VILL: variants seen among roughly 807,000 people sequenced by gnomAD.
VILL encodes the protein villin-like protein.
In VILL, 102 loss-of-function variants were observed where a neutral mutation model predicts 106.3. The ratio of observed to expected loss-of-function variants is 0.96; its 90% CI spans 0.82 to 1.13. VILL has a LOEUF of 1.13. VILL is among the 50% of genes most tolerant of loss of function. VILL has a pLI of 0.00. For synonymous variants in VILL, 431 were observed against 440.3 expected, an observed-to-expected ratio of 0.98 and a Z score of 0.27; for missense variants, 1,076 against 1,116.6, an observed-to-expected ratio of 0.96 and a Z score of 0.52.
Position 38,006,478 on chromosome 3 carries a change from G to T in VILL, c.2235G>T (p.Trp745Cys), listed in dbSNP as rs749913474. 5 of 1,606,618 alleles carry T rather than the reference G, an allele frequency of 3.1e-6. No homozygotes were observed. The highest frequency in any genetic ancestry group is 1.1e-5 in the South Asian group (1 of 90,772). Reference protein sequence around the residue: ...AEVNNLRLSRWPGNGRAGAVA... With the variant: ...AEVNNLRLSRCPGNGRAGAVA... Reference sequence around the variant, plus strand: ...TCAACAACTTGCGGCTATCCAGATGGCCGGGCAATGGCAGGGCAGGTGCCG... The same window carrying T: ...TCAACAACTTGCGGCTATCCAGATGTCCGGGCAATGGCAGGGCAGGTGCCG... The change falls in exon 19 of 20, where the codon TGG (tryptophan) becomes TGT (cysteine). Residue 745 changes from tryptophan (W) to cysteine (C), a missense_variant. By Grantham distance (215) the Trp-to-Cys change is radical. Coordinates refer to ENST00000383759, the MANE Select transcript of VILL (RefSeq NM_015873.4).
chr3:38,000,907 T>C (rs1339639256), intron 11 of VILL: 2 of 456,668 alleles, frequency 4.4e-6, no homozygotes, highest in East Asian at 6.9e-5. Context: ...TAGAACAATG[T>C]CACTGCCAAC....
intron 16 of VILL, among the ~76,000 whole-genome samples, chr3:38,005,571 AT>A (rs1699900277): frequency 6.6e-6 from 1 of 152,114 alleles, no homozygotes; most frequent in African/African-American, 2.4e-5. Flanking sequence ...GAAAAAAAAA[AT>A]GTGTGGATTG....
chr3:37,995,175 C>T (rs114523068), intron 4 of VILL, among the ~76,000 whole-genome samples: 1,625 of 152,336 alleles, frequency 0.011, 35 homozygotes, highest in African/African-American at 0.036. Context: ...ATATATCTTT[C>T]GCTGTAAATT....
intron 4 of VILL, among the ~76,000 whole-genome samples, chr3:37,995,244 AT>A (rs1406590158): frequency 6.6e-6 from 1 of 152,258 alleles, no homozygotes; most frequent in African/African-American, 2.4e-5. Flanking sequence ...GGAAATTGCT[AT>A]TTGATCATTT....
chr3:37,995,860 G>T lies in VILL; in HGVS notation c.450+13G>T. On this transcript the variant is annotated intron_variant, in intron 5 of 19. Transcript: ENST00000383759. ...GTCTGCCACTGAGGTGAGGCTGCCA[G>T]GGGAGCCTCTTGACCTCTGAACTCG... The T allele has an allele frequency of 6.2e-7, 1 of 1,608,458 alleles. No individual in the cohort carries two copies. The highest frequency in any genetic ancestry group is 1.1e-5 in the South Asian group (1 of 90,896).
In VILL at chr3:37,998,460, CCT is replaced by C; in HGVS notation, c.942+98_942+99del. 8.8e-7 allele frequency: 1 copy of C among 1,130,282 alleles called. No individual in the cohort carries two copies. The highest frequency in any genetic ancestry group is 1.3e-6 in the Non-Finnish European group (1 of 770,620). 70.0% of individuals were successfully genotyped at this position (1,130,282 alleles called of 1,614,324 possible). A position where few individuals can be genotyped will look rare whatever the true frequency, so the allele number is the denominator to read the frequency against. On this transcript the variant is annotated intron_variant, in intron 9 of 19. Transcript: ENST00000383759. This position sits in a 1 kb window ranked among gnomAD's most constrained non-coding sequence, Gnocchi z 4.1. Reference sequence around the variant, plus strand: ...CCCAGGGTCTAAGGGAGGAATCAGCCCTCCCCTAGAGTTTGAGTTGGGAAATC... The same window carrying C: ...CCCAGGGTCTAAGGGAGGAATCAGCCCCCCTAGAGTTTGAGTTGGGAAATC...
Position 37,994,474 on chromosome 3 carries a change from C to CG in VILL, c.341+13dup. On this transcript the variant is annotated intron_variant, in intron 4 of 19. Transcript: ENST00000383759. Reference sequence around the variant, plus strand: ...CTTCCGCCCGGGAATCATGTGAGTGCGGGGGCGACCGGGGCAGGAGGGAGC... The same window carrying CG: ...CTTCCGCCCGGGAATCATGTGAGTGCGGGGGGCGACCGGGGCAGGAGGGAGC... 5 of 1,610,684 alleles carry CG rather than the reference C, an allele frequency of 3.1e-6. No individual in the cohort carries two copies. The highest frequency in any genetic ancestry group is 4.2e-6 in the Non-Finnish European group (5 of 1,179,218).
At chr3:37,992,862 A>G (rs1194367852) in intron 1 of VILL, among the ~76,000 whole-genome samples, 1 of 152,120 alleles carries the variant, frequency 6.6e-6, no homozygotes, top group Non-Finnish European at 1.5e-5. Flanking sequence ...TATGACACCT[A>G]TTGTGCCACA....
rs1699722087 is a variant in VILL, at chr3:37,997,380, C to T, written c.562-103C>T. 1.5e-6 allele frequency: 2 copies of T among 1,330,322 alleles called. No homozygotes were observed. The highest frequency in any genetic ancestry group is 2.1e-6 in the Non-Finnish European group (2 of 953,272). The allele number at this position is 1,330,322 out of a possible 1,614,324, so 82.4% of individuals were successfully genotyped here. ...GGATGCCAGGATGAGGGGACATCAG[C>T]CCTTCTCCCCATCAGCCTCTGGGAG... On this transcript the variant is annotated intron_variant, in intron 6 of 19. Coordinates refer to ENST00000383759, the MANE Select transcript of VILL (RefSeq NM_015873.4). The surrounding 1 kb of genome is among the most constrained non-coding windows in gnomAD (Gnocchi z 4.7).
rs1699926560 is a variant in VILL at position 38,006,447 on chromosome 3, A to G, written c.2206-2A>G. Reference sequence around the variant, plus strand: ...CCCAGCCTGAGGCTCCTCTCTGGACAGGAAGTCAACAACTTGCGGCTATCC... The same window carrying G: ...CCCAGCCTGAGGCTCCTCTCTGGACGGGAAGTCAACAACTTGCGGCTATCC... On this transcript the variant is annotated splice_acceptor_variant, in intron 18 of 19. Coordinates refer to ENST00000383759, the MANE Select transcript of VILL (RefSeq NM_015873.4). LOFTEE classifies it high-confidence loss of function. 4 of 1,596,180 alleles carry G rather than the reference A, an allele frequency of 2.5e-6. No homozygotes were observed. Among genetic ancestry groups the G allele is most frequent in the Non-Finnish European group, 3.4e-6 (4 of 1,168,056 alleles).
At chr3:37,992,483 C>G (rs1197038717) in intron 1 of VILL, among the ~76,000 whole-genome samples, 1 of 152,146 alleles carries the variant, frequency 6.6e-6, no homozygotes, top group Non-Finnish European at 1.5e-5. Flanking sequence ...TCAGTCCAGT[C>G]GCAGGGCAGC....
At position 38,003,488 on chromosome 3, in the gene VILL, C is replaced by A. The variant is rs910596341; in HGVS notation, c.1805+175C>A. ...TACAGCCCACGCTTCGCTCCCAGGC[C>A]TGGGTAACTTGCGTCTCTCAGATGC... On this transcript the variant is annotated intron_variant, in intron 15 of 19. Transcript: ENST00000383759. The A allele has an allele frequency of 4.8e-6, 4 of 829,174 alleles. No individual in the cohort carries two copies. The African/African-American group carries it at 7.2e-5, about 15-fold the overall frequency. 51.4% of individuals were successfully genotyped at this position (829,174 alleles called of 1,614,324 possible).
At position 38,005,698 on chromosome 3, in the gene VILL, C is replaced by G. The variant is rs533700155; in HGVS notation, c.1951-94C>G. ...TGGCCAGGGATGTGTATGTGGGGTTCTGTCTGGGACAACTGGACAGGGAGT... is the reference window on the plus strand; with the variant it reads ...TGGCCAGGGATGTGTATGTGGGGTTGTGTCTGGGACAACTGGACAGGGAGT... On this transcript the variant is annotated intron_variant, in intron 16 of 19. Transcript: ENST00000383759. 17 of 1,393,790 alleles carry G rather than the reference C, an allele frequency of 1.2e-5. No individual in the cohort carries two copies. The African/African-American group carries it at 2.4e-4, about 20-fold the overall frequency. 86.3% of individuals were successfully genotyped at this position (1,393,790 alleles called of 1,614,324 possible). A position where few individuals can be genotyped will look rare whatever the true frequency, so the allele number is the denominator to read the frequency against.
At chr3:38,003,128 C>T (rs748490446) in intron 14 of VILL, 40 bp from the exon 15 acceptor site, 1 of 1,606,636 alleles carries the variant, frequency 6.2e-7, no homozygotes, top group Non-Finnish European at 8.5e-7. Context: ...GGTGAAGGCC[C>T]CTCCTCATGC....
Position 37,997,698 on chromosome 3 carries a change from G to C in VILL, c.764+13G>C. The C allele has an allele frequency of 6.5e-7, 1 of 1,537,078 alleles. No homozygotes were observed. The highest frequency in any genetic ancestry group is 8.9e-7 in the Non-Finnish European group (1 of 1,118,746). On this transcript the variant is annotated intron_variant, in intron 7 of 19. Transcript: ENST00000383759. The surrounding 1 kb of genome is among the most constrained non-coding windows in gnomAD (Gnocchi z 4.7). ...TTCGCCTGTACCAGTGAGTACCCCT[G>C]GGGTGGGCAGGGGTGGGTGGGACAG...
In VILL at chr3:37,999,044, G is replaced by A. The variant is rs1411536233; in HGVS notation, c.1075G>A (p.Gly359Arg). ...EKRRRNQKLG[G>R]RDKSIHVKLD... is the part of the protein sequence containing the mutation. The stretch of plus-strand genomic sequence containing the variant: ...GCGGCGCAGGAACCAGAAGCTCGGC[G>A]GGAGGGGTGAGCGGGCGGGGCGGGG... Residue 359 changes from glycine to arginine, a missense_variant, in exon 10 of 20, where the codon GGG (glycine) becomes AGG (arginine). Physicochemically the swap from Gly to Arg is moderately radical, Grantham distance 125. Coordinates refer to ENST00000383759, the MANE Select transcript of VILL (RefSeq NM_015873.4). The A allele has an allele frequency of 1.9e-6, 3 of 1,572,130 alleles. No homozygotes were observed. Among genetic ancestry groups the A allele is most frequent in the Non-Finnish European group, 2.6e-6 (3 of 1,155,522 alleles).
chr3:38,001,257 TG>T (rs1303930989), intron 11 of VILL, 198 bp from the exon 12 acceptor site: 4 of 777,382 alleles, frequency 5.1e-6, no homozygotes, highest in Non-Finnish European at 8.0e-6. Flanking sequence ...CAGGGGTCCG[TG>T]GGGAAAGGGT....
At chr3:38,000,501 C>G (rs965580741) in intron 11 of VILL, among the ~76,000 whole-genome samples, 1 of 151,810 alleles carries the variant, frequency 6.6e-6, no homozygotes, top group Non-Finnish European at 1.5e-5. Context: ...ATGGGATACA[C>G]AGAGAGAGAC....
In VILL at chr3:37,997,773, G is replaced by C. The variant is rs545102306; in HGVS notation, c.764+88G>C. Reference sequence around the variant, plus strand: ...CTGCAATAACACGGCATCTCTAGAAGGCCCTCCAGCAAAGGCTGCTGGGTT... The same window carrying C: ...CTGCAATAACACGGCATCTCTAGAACGCCCTCCAGCAAAGGCTGCTGGGTT... On this transcript the variant is annotated intron_variant, in intron 7 of 19. Transcript: ENST00000383759. The surrounding 1 kb of genome is among the most constrained non-coding windows in gnomAD (Gnocchi z 4.7). The C allele has an allele frequency of 2.1e-6, 3 of 1,419,200 alleles. No individual in the cohort carries two copies. In the Admixed American group the frequency reaches 6.1e-5, roughly 29 times the overall value. 87.9% of individuals were successfully genotyped at this position (1,419,200 alleles called of 1,614,324 possible). A position where few individuals can be genotyped will look rare whatever the true frequency, so the allele number is the denominator to read the frequency against.
Sources: allele counts gnomAD v4.1 joint callset (sites outside exome capture counted in the v4.1 genomes callset), GRCh38; gene constraint gnomAD v4.1.1; non-coding constraint Gnocchi (gnomAD v3.1); transcripts MANE v1.5; gene names NCBI Gene and HGNC (gene_info 2026-07-23, HGNC 2026-07-21).